BDKRB2: variants seen among roughly 807,000 people sequenced by gnomAD.
BDKRB2 encodes bradykinin receptor B2, also known as B2 bradykinin receptor.
BDKRB2 carries 6 observed loss-of-function variants against 4.0 expected under a neutral mutation model. The observed-to-expected ratio is 1.49, with a 90% CI of 0.81 to 2.93. The LOEUF (loss-of-function observed/expected upper bound fraction) is 2.93. BDKRB2 is among the 30% of genes most tolerant of loss of function. The pLI is 0.00. For missense variants in BDKRB2, 478 were observed against 520.1 expected (o/e 0.92, Z 0.79); for synonymous variants, 225 against 215.3 (o/e 1.05, Z -0.40).
chr14:96,223,524 C>T (rs1259187400), intron 1 of BDKRB2, among the ~76,000 whole-genome samples: 2 of 152,122 alleles, frequency 1.3e-5, no homozygotes, highest in East Asian at 3.8e-4. Context: ...GCCACCACCA[C>T]CATAGCCCAG....
At chr14:96,225,408 T>C (rs908332013) in intron 1 of BDKRB2, among the ~76,000 whole-genome samples, 5 of 151,948 alleles carry the variant, frequency 3.3e-5, no homozygotes, top group Non-Finnish European at 5.9e-5. Flanking sequence ...GGAGGTGAGA[T>C]TGGAGGTGGC....
rs1885285822 is a variant in BDKRB2, at chr14:96,241,342, C to A, written c.1014C>A (p.Arg338=). ...TGGTGTACGTGATCGTGGGCAAGCG[C>A]TTCCGAAAGAAGTCTTGGGAGGTGT... The part of the protein sequence containing the change: ...NPLVYVIVGK[R]FRKKSWEVYQ... Residue 338 remains arginine (R), a synonymous_variant, in exon 3 of 3, where the codon CGC becomes CGA. Transcript: ENST00000554311. The A allele has an allele frequency of 6.2e-7, 1 of 1,614,032 alleles. No homozygotes were observed. Among genetic ancestry groups the A allele is most frequent in the South Asian group, 1.1e-5 (1 of 91,066 alleles).
rs202200808 is a variant in BDKRB2 at position 96,241,663 on chromosome 14, A to G, written c.*159A>G. ...CGGAGACTAATTCCTGCCCTGCCCA[A>G]TTTTGCAGGGAGCATGGCTGTGAGG... On this transcript the variant is annotated 3_prime_UTR_variant, in exon 3 of 3. Transcript: ENST00000554311. 9 of 1,275,494 alleles carry G rather than the reference A, an allele frequency of 7.1e-6. No individual in the cohort carries two copies. In the South Asian group the frequency reaches 7.6e-5, roughly 11 times the overall value. The allele number at this position is 1,275,494 out of a possible 1,614,324, so 79.0% of individuals were successfully genotyped here.
In BDKRB2 at chr14:96,242,558, T is replaced by C. The variant is rs200200402; in HGVS notation, c.*1054T>C. 6.6e-6 allele frequency: 1 copy of C among 152,222 alleles called. No individual in the cohort carries two copies. The highest frequency in any genetic ancestry group is 1.5e-5 in the Non-Finnish European group (1 of 68,044). 9.4% of individuals were successfully genotyped at this position (152,222 alleles called of 1,614,324 possible). On this transcript the variant is annotated 3_prime_UTR_variant, in exon 3 of 3. Transcript: ENST00000554311. ...AGCCGGTGGCGGTGTGAAGCACCAG[T>C]GTCTGGCACACAGTAGGTGCTCATT...
intron 1 of BDKRB2, among the ~76,000 whole-genome samples, chr14:96,229,814 TAAATTAAATTAAATTGA>T (rs1323500621): frequency 6.6e-6 from 1 of 152,076 alleles, no homozygotes; most frequent in African/African-American, 2.4e-5. Flanking sequence ...ACTATTAAAT[TAAATTAAATTAAATTGA>T]AAATAAAATT....
intron 1 of BDKRB2, among the ~76,000 whole-genome samples, chr14:96,217,107 C>T (rs979088446): frequency 2.0e-5 from 3 of 152,206 alleles, no homozygotes; most frequent in African/African-American, 4.8e-5. Context: ...TAACTCAGCT[C>T]AGCAAACATT....
rs540761511 is a variant in BDKRB2 at position 96,240,236 on chromosome 14, G to T, written c.75-167G>T. The T allele has an allele frequency of 4.9e-5, 65 of 1,320,414 alleles. No individual in the cohort carries two copies. In the African/African-American group the frequency reaches 9.2e-4, roughly 19 times the overall value. 81.8% of individuals were successfully genotyped at this position (1,320,414 alleles called of 1,614,324 possible). A position where few individuals can be genotyped will look rare whatever the true frequency, so the allele number is the denominator to read the frequency against. On this transcript the variant is annotated intron_variant, in intron 2 of 2. Transcript: ENST00000554311. ...ATCAGAGGGGGCTCTGTAAGACCCA[G>T]GGGAGTCAGGTGCACTGGAGCGCGG...
chr14:96,239,632 TG>T (rs773478943), intron 2 of BDKRB2: 581 of 973,300 alleles, frequency 6.0e-4, no homozygotes, highest in Middle Eastern at 1.0e-3. Flanking sequence ...TGGGGCATTT[TG>T]CACATTGTCT....
rs1301390843 is a variant in BDKRB2 at position 96,240,644 on chromosome 14, C to G, written c.316C>G (p.Leu106Val). The change falls in exon 3 of 3, where the codon CTG (leucine) becomes GTG (valine). Residue 106 changes from leucine to valine, a missense_variant. By Grantham distance (32) the Leu-to-Val change is conservative. Transcript: ENST00000554311. ...LGNLAAADLI[L>V]ACGLPFWAIT... ...GAACCTGGCCGCAGCAGACCTGATC[C>G]TGGCCTGCGGGCTGCCCTTCTGGGC... 1 of 1,565,756 alleles carries G rather than the reference C, an allele frequency of 6.4e-7. No individual in the cohort carries two copies. Among genetic ancestry groups the G allele is most frequent in the Non-Finnish European group, 8.6e-7 (1 of 1,158,968 alleles).
At position 96,237,140 on chromosome 14, in the gene BDKRB2, G is replaced by T. The variant is rs61982612; in HGVS notation, c.33G>T (p.Leu11=). 96 of 1,614,134 alleles carry T rather than the reference G, an allele frequency of 5.9e-5. No homozygotes were observed. Among genetic ancestry groups the T allele is most frequent in the Non-Finnish European group, 8.0e-5 (94 of 1,179,978 alleles). Residue 11 remains leucine (L), a synonymous_variant, in exon 2 of 3, where the codon CTG becomes CTT. Transcript: ENST00000554311. MFSPWKISMF[L]SVREDSVPTT... is the part of the protein sequence containing the mutation. ...CTCCCTGGAAGATATCAATGTTTCT[G>T]TCTGTTCGTGAGGACTCCGTGCCCA...
chr14:96,211,905 G>A (rs1233884127), intron 1 of BDKRB2, among the ~76,000 whole-genome samples: 1 of 152,200 alleles, frequency 6.6e-6, no homozygotes, highest in Non-Finnish European at 1.5e-5. Context: ...GAAAAGCAAG[G>A]TGGGTCGACA....
rs202121570 is a variant in BDKRB2 at position 96,241,703 on chromosome 14, C to T, written c.*199C>T. On this transcript the variant is annotated 3_prime_UTR_variant, in exon 3 of 3. Transcript: ENST00000554311. ...TGGCTGTGAGGATGGGGTGAACTCACGCACAGCCAAGGACTCCAAAATCAC... is the reference window on the plus strand; with the variant it reads ...TGGCTGTGAGGATGGGGTGAACTCATGCACAGCCAAGGACTCCAAAATCAC... The T allele has an allele frequency of 1.9e-5, 16 of 850,516 alleles. No homozygotes were observed. The highest frequency in any genetic ancestry group is 1.2e-4 in the South Asian group (4 of 33,558). 52.7% of individuals were successfully genotyped at this position (850,516 alleles called of 1,614,324 possible).
chr14:96,230,982 G>C (rs1324136309), intron 1 of BDKRB2, among the ~76,000 whole-genome samples: 1 of 151,952 alleles, frequency 6.6e-6, no homozygotes, highest in Admixed American at 6.6e-5. Flanking sequence ...GGAATGAGTG[G>C]TATTAGGATG....
At position 96,244,017 on chromosome 14, in the gene BDKRB2, T is replaced by C. The variant is rs1036431388; in HGVS notation, c.*2513T>C. On this transcript the variant is annotated 3_prime_UTR_variant, in exon 3 of 3. Coordinates refer to ENST00000554311, the MANE Select transcript of BDKRB2 (RefSeq NM_001379692.1). ...GGGAGAAGAGCGGCCCTATGCATGG[T>C]GTAGATGCCCTGATAAAGAACATCT... 5.1e-6 allele frequency: 2 copies of C among 394,514 alleles called. No homozygotes were observed. Among genetic ancestry groups the C allele is most frequent in the African/African-American group, 4.1e-5 (2 of 48,568 alleles). 24.4% of individuals were successfully genotyped at this position (394,514 alleles called of 1,614,324 possible). A position where few individuals can be genotyped will look rare whatever the true frequency, so the allele number is the denominator to read the frequency against.
At chr14:96,238,394 CAGG>C (rs1389397093) in intron 2 of BDKRB2, 4 of 931,242 alleles carry the variant, frequency 4.3e-6, no homozygotes, top group Non-Finnish European at 5.1e-6. Flanking sequence ...AGCCCACGTC[CAGG>C]AGAAGAGGAA....
intron 1 of BDKRB2, 135 bp downstream of exon 1, chr14:96,205,094 C>T (rs1890142901): frequency 1.2e-5 from 2 of 165,674 alleles, no homozygotes; most frequent in African/African-American, 4.8e-5. Flanking sequence ...GGGAAAAGTT[C>T]CCTTCCTTCC....
chr14:96,215,052 A>G (rs777604491), intron 1 of BDKRB2, among the ~76,000 whole-genome samples: 1 of 152,226 alleles, frequency 6.6e-6, no homozygotes, highest in Non-Finnish European at 1.5e-5. Context: ...GCTTATTTAA[A>G]TATTTTTATT....
rs200587531 is a variant in BDKRB2, at chr14:96,243,346, G to A, written c.*1842G>A. On this transcript the variant is annotated 3_prime_UTR_variant, in exon 3 of 3. Coordinates refer to ENST00000554311, the MANE Select transcript of BDKRB2 (RefSeq NM_001379692.1). ...GAACCTAGAAGGGCTAGAACCTGGA[G>A]GGCTGGAATCTGGAGAGCTAGAACC... The A allele has an allele frequency of 1.3e-5, 2 of 148,368 alleles. No individual in the cohort carries two copies. Among genetic ancestry groups the A allele is most frequent in the Admixed American group, 6.7e-5 (1 of 15,016 alleles). 9.2% of individuals were successfully genotyped at this position (148,368 alleles called of 1,614,324 possible).
At chr14:96,234,395 T>C (rs2139793064) in intron 1 of BDKRB2, among the ~76,000 whole-genome samples, 1 of 152,022 alleles carries the variant, frequency 6.6e-6, no homozygotes, top group South Asian at 2.1e-4. Flanking sequence ...CACCCCATCC[T>C]CCCTCTCACC....
Sources: allele counts gnomAD v4.1 joint callset (sites outside exome capture counted in the v4.1 genomes callset), GRCh38; gene constraint gnomAD v4.1.1; transcripts MANE v1.5; gene names NCBI Gene and HGNC (gene_info 2026-07-23, HGNC 2026-07-21).